Variants in ANGPT1 observed in about 807,000 individuals in gnomAD.
ANGPT1 encodes the protein angiopoietin-1.
In ANGPT1, 17 loss-of-function variants were observed where a neutral mutation model predicts 62.2. The observed-to-expected ratio is 0.27, with a 90% CI of 0.19 to 0.41. ANGPT1 has a LOEUF of 0.41. Among genes scored for constraint, ANGPT1 ranks in the 10% least tolerant of loss-of-function variants. The probability of loss-of-function intolerance (pLI) is 1.00; values close to 1 mark genes in which losing one functional copy is unlikely to be tolerated. For missense variants in ANGPT1, 478 were observed against 594.9 expected (o/e 0.80, Z 2.04); for synonymous variants, 199 against 198.9 (o/e 1.00, Z 0.00).
At chr8:107,343,245 G>C (rs1436932241) in intron 2 of ANGPT1, among the ~76,000 whole-genome samples, 1 of 152,172 alleles carries the variant, frequency 6.6e-6, no homozygotes, top group African/African-American at 2.4e-5. Context: ...AATATATTAG[G>C]GGAAATGCCC....
intron 1 of ANGPT1, among the ~76,000 whole-genome samples, chr8:107,489,612 A>C (rs754645427): frequency 1.5e-4 from 23 of 152,198 alleles, no homozygotes; most frequent in Non-Finnish European, 2.5e-4. Flanking sequence ...ACTTCTAATT[A>C]TTTCGAATTA....
intron 1 of ANGPT1, among the ~76,000 whole-genome samples, chr8:107,374,646 C>T (rs573651692): frequency 2.6e-5 from 4 of 152,296 alleles, no homozygotes; most frequent in African/African-American, 9.6e-5. Flanking sequence ...CGCAAATTGC[C>T]TTCTGTCTAA....
At chr8:107,356,967 G>A (rs573504003) in intron 1 of ANGPT1, among the ~76,000 whole-genome samples, 7 of 152,096 alleles carry the variant, frequency 4.6e-5, no homozygotes, top group African/African-American at 1.2e-4. Flanking sequence ...TTGTATGTAC[G>A]TATATACAAA....
chr8:107,364,887 C>T (rs938412222), intron 1 of ANGPT1, among the ~76,000 whole-genome samples: 2 of 151,940 alleles, frequency 1.3e-5, no homozygotes, highest in South Asian at 2.1e-4. Flanking sequence ...CTGCAGTGAA[C>T]GCAGTTCCTA....
At chr8:107,358,234 T>C (rs1816088906) in intron 1 of ANGPT1, among the ~76,000 whole-genome samples, 1 of 152,208 alleles carries the variant, frequency 6.6e-6, no homozygotes. Context: ...CTAATTTTTT[T>C]CTGAATAATA....
At chr8:107,265,627 T>C (rs111661562) in intron 7 of ANGPT1, among the ~76,000 whole-genome samples, 21 of 152,240 alleles carry the variant, frequency 1.4e-4, no homozygotes, top group African/African-American at 4.8e-4. Flanking sequence ...CAGAATCATG[T>C]AGTAATATCC....
At chr8:107,468,822 T>C (rs1274255813) in intron 1 of ANGPT1, among the ~76,000 whole-genome samples, 1 of 152,042 alleles carries the variant, frequency 6.6e-6, no homozygotes, top group African/African-American at 2.4e-5. Context: ...AAGTTACCTG[T>C]CCAATTGGTA....
At chr8:107,413,812 A>G (rs1360397948) in intron 1 of ANGPT1, among the ~76,000 whole-genome samples, 1 of 152,110 alleles carries the variant, frequency 6.6e-6, no homozygotes, top group Non-Finnish European at 1.5e-5. Context: ...GCCACATTAG[A>G]GCGGGAAAGA....
intron 3 of ANGPT1, among the ~76,000 whole-genome samples, chr8:107,327,676 A>ATTTG (rs1176363160): frequency 3.3e-5 from 5 of 152,130 alleles, no homozygotes; most frequent in African/African-American, 1.2e-4. Context: ...ATTGAGCTAG[A>ATTTG]AATCCAAGGA....
At chr8:107,392,409 A>G (rs573299598) in intron 1 of ANGPT1, among the ~76,000 whole-genome samples, 7 of 152,188 alleles carry the variant, frequency 4.6e-5, no homozygotes, top group South Asian at 4.1e-4. Context: ...ATTATATTTT[A>G]TTGTCATTTT....
chr8:107,270,786 A>C (rs926281872), intron 7 of ANGPT1, among the ~76,000 whole-genome samples: 8 of 152,096 alleles, frequency 5.3e-5, no homozygotes, highest in African/African-American at 9.7e-5. Context: ...AAGTGAGTGA[A>C]TATATTAAAG....
chr8:107,483,795 GT>G (rs1381702395), intron 1 of ANGPT1, among the ~76,000 whole-genome samples: 1 of 152,114 alleles, frequency 6.6e-6, no homozygotes, highest in East Asian at 1.9e-4. Flanking sequence ...CAGATAAGCT[GT>G]TTTAAAATAT....
chr8:107,408,200 G>C (rs1409669672), intron 1 of ANGPT1, among the ~76,000 whole-genome samples: 3 of 152,164 alleles, frequency 2.0e-5, no homozygotes, highest in African/African-American at 7.2e-5. Flanking sequence ...TGTGCTTTCA[G>C]AGGTGTTTTT....
At chr8:107,263,354 CAAAAAAA>C (rs36190408) in intron 8 of ANGPT1, among the ~76,000 whole-genome samples, 8 of 91,264 alleles carry the variant, frequency 8.8e-5, no homozygotes, top group Non-Finnish European at 1.4e-4. Flanking sequence ...AACTCAGTTT[CAAAAAAA>C]AAAAAAAAAA....
At chr8:107,370,541 AAAAT>A (rs1816383469) in intron 1 of ANGPT1, among the ~76,000 whole-genome samples, 1 of 66,872 alleles carries the variant, frequency 1.5e-5, no homozygotes, top group Non-Finnish European at 2.8e-5. Context: ...GTCTCTACTA[AAAAT>A]AAAAAAATTA....
At chr8:107,496,520 G>A (rs1813101467) in intron 1 of ANGPT1, among the ~76,000 whole-genome samples, 1 of 152,194 alleles carries the variant, frequency 6.6e-6, no homozygotes, top group African/African-American at 2.4e-5. Flanking sequence ...AGGTATTTCA[G>A]GAATATAGTA....
At chr8:107,257,863 A>C (rs1180217629) in intron 8 of ANGPT1, among the ~76,000 whole-genome samples, 1 of 124,182 alleles carries the variant, frequency 8.1e-6, no homozygotes, top group East Asian at 2.3e-4. Flanking sequence ...CTTCAGGCCA[A>C]GGACTTGTTT....
At chr8:107,428,549 C>T (rs1811094535) in intron 1 of ANGPT1, among the ~76,000 whole-genome samples, 1 of 152,164 alleles carries the variant, frequency 6.6e-6, no homozygotes, top group African/African-American at 2.4e-5. Flanking sequence ...TCATCCCACA[C>T]ACTGTTTTTT....
At chr8:107,379,300 G>C (rs1654722) in intron 1 of ANGPT1, among the ~76,000 whole-genome samples, 112,433 of 151,470 alleles carry the variant, frequency 0.74, 42,589 homozygotes, top group East Asian at 0.87. Flanking sequence ...TAGGCCACTA[G>C]CTGAAGGCCT....
Sources: allele counts gnomAD v4.1 joint callset (sites outside exome capture counted in the v4.1 genomes callset), GRCh38; gene constraint gnomAD v4.1.1; transcripts MANE v1.5; gene names NCBI Gene and HGNC (gene_info 2026-07-23, HGNC 2026-07-21).